KIF4A: variants seen among roughly 807,000 people sequenced by gnomAD.
The protein encoded by KIF4A is chromosome-associated kinesin KIF4A.
KIF4A carries 7 observed loss-of-function variants against 105.9 expected under a neutral mutation model. The observed-to-expected ratio is 0.07, with a 90% confidence interval of 0.04 to 0.12. KIF4A has a LOEUF of 0.12. KIF4A is among the 10% of genes least tolerant of loss of function. The pLI is 1.00. For missense variants in KIF4A, 558 were observed against 929.2 expected, an observed-to-expected ratio of 0.60 and a Z score of 5.19; for synonymous variants, 281 against 331.3, an observed-to-expected ratio of 0.85 and a Z score of 1.65.
chrX:70,352,322 A>G (rs979012551), intron 13 of KIF4A, among the ~76,000 whole-genome samples: 1 of 111,657 alleles, frequency 9.0e-6, no homozygotes, highest in Non-Finnish European at 1.9e-5. Flanking sequence ...CTCTGGCCCA[A>G]ATGTCTCTGG....
At chrX:70,419,867 C>T (rs2086359600) in intron 30 of KIF4A, 84 bp downstream of exon 30, 1 of 1,146,322 alleles carries the variant, frequency 8.7e-7, no homozygotes, top group Non-Finnish European at 1.2e-6. Flanking sequence ...AGGAGAGAGG[C>T]AGGTGGAGTA....
chrX:70,413,587 G>A (rs2086331079), intron 28 of KIF4A, among the ~76,000 whole-genome samples: 1 of 97,629 alleles, frequency 1.0e-5, no homozygotes, highest in Non-Finnish European at 2.0e-5. Context: ...CTGAGATCTC[G>A]CCACTGCACT....
chrX:70,375,654 T>C (rs2086172008), intron 17 of KIF4A, among the ~76,000 whole-genome samples: 1 of 111,874 alleles, frequency 8.9e-6, no homozygotes, highest in Admixed American at 9.6e-5. Context: ...TGCAGCATAA[T>C]TTTGTAAAGT....
intron 15 of KIF4A, among the ~76,000 whole-genome samples, chrX:70,363,926 A>G (rs1223231028): frequency 9.0e-6 from 1 of 111,408 alleles, no homozygotes; most frequent in Non-Finnish European, 1.9e-5. Flanking sequence ...TTTAATGATC[A>G]CCATTCTAAC....
intron 13 of KIF4A, among the ~76,000 whole-genome samples, chrX:70,349,782 CAG>C (rs2086018321): frequency 1.2e-5 from 1 of 83,291 alleles, no homozygotes; most frequent in African/African-American, 5.0e-5. Flanking sequence ...GGCGGCCGGG[CAG>C]AGATGCTCCT....
intron 22 of KIF4A, among the ~76,000 whole-genome samples, chrX:70,396,649 T>C (rs1426537474): frequency 8.9e-6 from 1 of 112,307 alleles, no homozygotes; most frequent in East Asian, 2.8e-4. Context: ...GAAATGATAA[T>C]AGAAGAGCAA....
rs758828433 is a variant in KIF4A, at chrX:70,367,938, C to T, written c.1675-6213C>T. ...CACATAGTCCCATATTTCTTGGAGG[C>T]TTTGTTCATTTCTTTTTATTCTTTT... On this transcript the variant is annotated intron_variant, in intron 15 of 30. Transcript: ENST00000374403. Among the ~76,000 whole-genome samples, 46 of 111,956 alleles carry T rather than the reference C, an allele frequency of 4.1e-4. No individual in the cohort carries two copies. In the Admixed American group the frequency reaches 4.2e-3, roughly 10 times the overall value.
At chrX:70,416,626 G>A (rs1483058445) in intron 28 of KIF4A, among the ~76,000 whole-genome samples, 2 of 111,553 alleles carry the variant, frequency 1.8e-5, no homozygotes, top group African/African-American at 3.3e-5. Flanking sequence ...ATGAGCCACC[G>A]CACGGTCTAC....
intron 15 of KIF4A, among the ~76,000 whole-genome samples, chrX:70,368,565 A>G (rs1458357002): frequency 1.8e-5 from 2 of 111,881 alleles, no homozygotes; most frequent in African/African-American, 6.5e-5. Context: ...AGATCAGGGG[A>G]TATTGGTGGA....
chrX:70,411,422 T>G (rs777782354), intron 28 of KIF4A, among the ~76,000 whole-genome samples: 1 of 111,663 alleles, frequency 9.0e-6, no homozygotes, highest in South Asian at 3.7e-4. Flanking sequence ...TATTCTTTGT[T>G]TTTTGTTTTT....
rs377027004 is a variant in KIF4A, at chrX:70,347,899, C to T, written c.1431+3917C>T. Among the ~76,000 whole-genome samples, 37 of 82,539 alleles carry T rather than the reference C, an allele frequency of 4.5e-4. No homozygotes were observed. The East Asian group carries it at 0.013, about 30-fold the overall frequency. The allele number at this position is 82,539 out of a possible 115,157, so 71.7% of individuals were successfully genotyped here. Reference sequence around the variant, plus strand: ...CTGAGGCAGGAGAATGGCGTGAACCCGGGAGGCGGAGCTTGCAGTGAGCCG... The same window carrying T: ...CTGAGGCAGGAGAATGGCGTGAACCTGGGAGGCGGAGCTTGCAGTGAGCCG... On this transcript the variant is annotated intron_variant, in intron 13 of 30. Coordinates refer to ENST00000374403, the MANE Select transcript of KIF4A (RefSeq NM_012310.5).
intron 28 of KIF4A, among the ~76,000 whole-genome samples, chrX:70,409,384 T>A (rs773406294): frequency 9.0e-6 from 1 of 111,551 alleles, no homozygotes; most frequent in Admixed American, 9.6e-5. Context: ...CGTGTCTCTT[T>A]CTTTCATTTA....
intron 10 of KIF4A, among the ~76,000 whole-genome samples, chrX:70,336,687 T>C (rs1447825359): frequency 2.7e-5 from 3 of 111,978 alleles, no homozygotes. Context: ...TCTTTTCTCA[T>C]TTTTCTATTG....
intron 10 of KIF4A, among the ~76,000 whole-genome samples, chrX:70,339,925 A>G (rs1487243202): frequency 8.9e-6 from 1 of 112,070 alleles, no homozygotes; most frequent in Non-Finnish European, 1.9e-5. Flanking sequence ...TTTACCCATT[A>G]CGTGGCTGTC....
intron 18 of KIF4A, among the ~76,000 whole-genome samples, chrX:70,383,551 C>T (rs1051151298): frequency 3.6e-5 from 4 of 111,692 alleles, no homozygotes; most frequent in African/African-American, 9.7e-5. Context: ...CCAGGAGATA[C>T]GAAAACATGT....
At chrX:70,345,316 T>C (rs945116271) in intron 13 of KIF4A, among the ~76,000 whole-genome samples, 1 of 110,410 alleles carries the variant, frequency 9.1e-6, no homozygotes, top group Non-Finnish European at 1.9e-5. Flanking sequence ...ATACAAAAAT[T>C]AGCCAGGTGT....
At chrX:70,371,928 G>A (rs1309734484) in intron 15 of KIF4A, among the ~76,000 whole-genome samples, 2 of 107,016 alleles carry the variant, frequency 1.9e-5, no homozygotes, top group Non-Finnish European at 3.9e-5. Context: ...CTTCTCAGAC[G>A]GGGTGGCCGG....
intron 18 of KIF4A, among the ~76,000 whole-genome samples, chrX:70,378,461 G>T (rs1238632613): frequency 3.6e-5 from 4 of 112,009 alleles, no homozygotes; most frequent in Admixed American, 2.9e-4. Flanking sequence ...GGGCGCGGTG[G>T]CTCAAGCCTG....
chrX:70,290,473 G>A lies in KIF4A; in HGVS notation c.15G>A (p.Val5=), dbSNP rs965350234. Residue 5 remains valine, a synonymous_variant, in exon 2 of 31, where the codon GTG becomes GTA. Coordinates refer to ENST00000374403, the MANE Select transcript of KIF4A (RefSeq NM_012310.5). MKEE[V]KGIPVRVALR... Reference sequence around the variant, plus strand: ...GAGATAGGATCATGAAGGAAGAGGTGAAGGGAATTCCCGTAAGAGTGGCGC... The same window carrying A: ...GAGATAGGATCATGAAGGAAGAGGTAAAGGGAATTCCCGTAAGAGTGGCGC... 1.8e-5 allele frequency: 22 copies of A among 1,210,806 alleles called. No homozygotes were observed. Among genetic ancestry groups the A allele is most frequent in the Non-Finnish European group, 2.5e-5 (22 of 895,118 alleles).
Sources: gnomAD v4.1 joint callset for allele counts (sites outside exome capture counted in the v4.1 genomes callset) on GRCh38, gnomAD v4.1.1 for gene constraint, MANE v1.5 for transcripts, NCBI Gene and HGNC (gene_info 2026-07-23, HGNC 2026-07-21) for gene names.